GAB2: variants seen among roughly 807,000 people sequenced by gnomAD.
GAB2 encodes GRB2-associated-binding protein 2.
A neutral mutation model predicts 65.5 loss-of-function variants in GAB2; 26 were observed. That is an observed-to-expected ratio of 0.40 (90% CI 0.29 to 0.55). The LOEUF (loss-of-function observed/expected upper bound fraction) is 0.55. Among genes scored for constraint, GAB2 ranks in the 20% least tolerant of loss-of-function variants. The pLI is 0.53. For missense variants in GAB2, 884 were observed against 875.8 expected, an observed-to-expected ratio of 1.01 and a Z score of -0.12; for synonymous variants, 321 against 329.6, an observed-to-expected ratio of 0.97 and a Z score of 0.28.
intron 1 of GAB2, among the ~76,000 whole-genome samples, chr11:78,413,077 G>C (rs1857149651): frequency 6.6e-6 from 1 of 152,218 alleles, no homozygotes. Context: ...GGAGTGAAGA[G>C]ATGAACAAAG....
chr11:78,219,017 A>C lies in GAB2; in HGVS notation c.*255T>G, dbSNP rs1590933913. 1 of 468,214 alleles carries C rather than the reference A, an allele frequency of 2.1e-6. No individual in the cohort carries two copies. Among genetic ancestry groups the C allele is most frequent in the East Asian group, 3.6e-5 (1 of 27,532 alleles). The allele number at this position is 468,214 out of a possible 1,614,324, so 29.0% of individuals were successfully genotyped here. A position where few individuals can be genotyped will look rare whatever the true frequency, so the allele number is the denominator to read the frequency against. On this transcript the variant is annotated 3_prime_UTR_variant, in exon 10 of 10. Transcript: ENST00000361507. Reference sequence around the variant, plus strand: ...AGGATGCTTTTTGGAAGTAGCTCCTAACTAAGGTGGGTGGAGGCATGGCCA... The same window carrying C: ...AGGATGCTTTTTGGAAGTAGCTCCTCACTAAGGTGGGTGGAGGCATGGCCA...
chr11:78,306,486 C>T (rs1855362040), intron 1 of GAB2, among the ~76,000 whole-genome samples: 1 of 152,220 alleles, frequency 6.6e-6, no homozygotes, highest in South Asian at 2.1e-4. Flanking sequence ...CCCACCTTGG[C>T]CTCCCAAAGT....
intron 1 of GAB2, among the ~76,000 whole-genome samples, chr11:78,408,379 A>G (rs1418366022): frequency 1.3e-5 from 2 of 152,214 alleles, no homozygotes; most frequent in Non-Finnish European, 2.9e-5. Flanking sequence ...AGCAACCACT[A>G]AAAAAGCTGT....
At chr11:78,361,698 G>A (rs1407001397) in intron 1 of GAB2, among the ~76,000 whole-genome samples, 1 of 152,090 alleles carries the variant, frequency 6.6e-6, no homozygotes, top group Non-Finnish European at 1.5e-5. Context: ...TCTCTCATTA[G>A]ACTGGCAAAC....
intron 1 of GAB2, among the ~76,000 whole-genome samples, chr11:78,329,004 A>G (rs1284495576): frequency 6.6e-6 from 1 of 152,218 alleles, no homozygotes. Context: ...GAAATATGCT[A>G]ATGTCTGCAA....
chr11:78,378,199 G>A (rs1373781917), intron 1 of GAB2, among the ~76,000 whole-genome samples: 1 of 152,154 alleles, frequency 6.6e-6, no homozygotes, highest in Admixed American at 6.5e-5. Flanking sequence ...AGGACTGAGG[G>A]TTGCCAGTGA....
In GAB2 at chr11:78,245,589, C is replaced by A. The variant is rs147837509; in HGVS notation, c.620+4568G>T. 2.3e-4 allele frequency among the ~76,000 whole-genome samples: 35 copies of A among 152,334 alleles called. 1 individual carries two copies. In the East Asian group the frequency reaches 6.6e-3, roughly 29 times the overall value. On this transcript the variant is annotated intron_variant, in intron 3 of 9. Coordinates refer to ENST00000361507, the MANE Select transcript of GAB2 (RefSeq NM_080491.3). The stretch of plus-strand genomic sequence containing the variant: ...ACATGGCAAGAAATGGCAAAGGGAG[C>A]TCTTCATACTAAAGAGTAAGAAAAC...
intron 2 of GAB2, among the ~76,000 whole-genome samples, chr11:78,264,041 C>T (rs1865807416): frequency 1.3e-5 from 2 of 152,044 alleles, no homozygotes; most frequent in African/African-American, 4.8e-5. Flanking sequence ...TCTAAAAAGT[C>T]CAACATTGTA....
intron 3 of GAB2, among the ~76,000 whole-genome samples, chr11:78,233,433 T>C (rs758708896): frequency 6.6e-6 from 1 of 152,222 alleles, no homozygotes; most frequent in Non-Finnish European, 1.5e-5. Context: ...TCTATTCATG[T>C]GGTTACTGGA....
intron 1 of GAB2, among the ~76,000 whole-genome samples, chr11:78,370,073 C>A (rs962272700): frequency 6.6e-6 from 1 of 151,448 alleles, no homozygotes; most frequent in Non-Finnish European, 1.5e-5. Flanking sequence ...CCGGCTAAAA[C>A]GGTGAAACCC....
chr11:78,303,083 T>C (rs1298481956), intron 1 of GAB2, among the ~76,000 whole-genome samples: 1 of 152,108 alleles, frequency 6.6e-6, no homozygotes, highest in African/African-American at 2.4e-5. Context: ...AGACCACAAA[T>C]TGGGTTCAGT....
At chr11:78,383,580 C>T (rs199505102) in intron 1 of GAB2, among the ~76,000 whole-genome samples, 1 of 84,726 alleles carries the variant, frequency 1.2e-5, no homozygotes, top group East Asian at 5.8e-4. Context: ...CCCTGTCTCT[C>T]CAAAAAAAAA....
intron 3 of GAB2, among the ~76,000 whole-genome samples, chr11:78,236,875 A>AAT (rs1864996635): frequency 6.6e-6 from 1 of 152,144 alleles, no homozygotes. Flanking sequence ...TATTCCCTAA[A>AAT]ATATATATAT....
chr11:78,355,913 C>T (rs1369970136), intron 1 of GAB2, among the ~76,000 whole-genome samples: 2 of 152,064 alleles, frequency 1.3e-5, no homozygotes, highest in Non-Finnish European at 2.9e-5. Flanking sequence ...TGGCTCATGC[C>T]TGTAATCCCA....
chr11:78,226,788 AAGGTGT>A lies in GAB2; in HGVS notation c.878_883del (p.Tyr293_Thr294del). 2 of 1,614,056 alleles carry A rather than the reference AAGGTGT, an allele frequency of 1.2e-6. No homozygotes were observed. The highest frequency in any genetic ancestry group is 1.7e-6 in the Non-Finnish European group (2 of 1,179,980). The stretch of plus-strand genomic sequence containing the variant: ...GCACAGGGTGTTGCTGGGCGTCTTG[AAGGTGT>A]ACACATCCTCATTATCTGTCTCGGA... On this transcript the variant is annotated inframe_deletion, in exon 4 of 10. Transcript: ENST00000361507.
chr11:78,370,719 G>A (rs1357499304), intron 1 of GAB2, among the ~76,000 whole-genome samples: 7 of 146,334 alleles, frequency 4.8e-5, no homozygotes, highest in African/African-American at 1.6e-4. Flanking sequence ...GTGCGTGTGT[G>A]TGTGTATGTG....
At chr11:78,333,069 T>A (rs536973197) in intron 1 of GAB2, among the ~76,000 whole-genome samples, 1 of 152,262 alleles carries the variant, frequency 6.6e-6, no homozygotes, top group South Asian at 2.1e-4. Context: ...GGGCTTTGTT[T>A]CAGAGCCTGC....
chr11:78,326,074 G>A (rs1487369946), intron 1 of GAB2, among the ~76,000 whole-genome samples: 3 of 152,154 alleles, frequency 2.0e-5, no homozygotes, highest in Non-Finnish European at 4.4e-5. Flanking sequence ...ATATGAGAGT[G>A]AATATATACA....
chr11:78,337,922 G>A (rs114136007), intron 1 of GAB2, among the ~76,000 whole-genome samples: 19 of 152,244 alleles, frequency 1.2e-4, no homozygotes, highest in Non-Finnish European at 1.9e-4. Flanking sequence ...CAAAAGACCC[G>A]AGGCCAGGCC....
Sources: gnomAD v4.1 joint callset for allele counts (sites outside exome capture counted in the v4.1 genomes callset) on GRCh38, gnomAD v4.1.1 for gene constraint, MANE v1.5 for transcripts, NCBI Gene and HGNC (gene_info 2026-07-23, HGNC 2026-07-21) for gene names.